Variants in COL7A1 observed in about 807,000 individuals in gnomAD.
COL7A1 encodes collagen alpha-1(VII) chain.
Under a neutral mutation model 456.2 loss-of-function variants are expected in COL7A1, and 296 were observed. The ratio of observed to expected loss-of-function variants is 0.65; its 90% CI spans 0.59 to 0.71. COL7A1 has a LOEUF of 0.71. Among genes scored for constraint, COL7A1 ranks in the 30% least tolerant of loss-of-function variants. The probability of loss-of-function intolerance (pLI) is 0.00; values close to 1 mark genes in which losing one functional copy is unlikely to be tolerated. For synonymous variants in COL7A1, 1,464 were observed against 1,525.9 expected, an observed-to-expected ratio of 0.96 and a Z score of 0.95; for missense variants, 3,441 against 4,017.2, an observed-to-expected ratio of 0.86 and a Z score of 3.88.
chr3:48,594,682 T>C lies in COL7A1; in HGVS notation c.86-134A>G. ...TATGCAAACCAGGGCCGAATCGGCCTGAGCCTGAGGGCCTTGGAGGGAGTT... is the reference window on the plus strand; with the variant it reads ...TATGCAAACCAGGGCCGAATCGGCCCGAGCCTGAGGGCCTTGGAGGGAGTT... On this transcript the variant is annotated intron_variant, in intron 2 of 118. Transcript: ENST00000681320. The surrounding 1 kb of genome is among the most constrained non-coding windows in gnomAD (Gnocchi z 5.5). 2 of 1,122,324 alleles carry C rather than the reference T, an allele frequency of 1.8e-6. No individual in the cohort carries two copies. Among genetic ancestry groups the C allele is most frequent in the Non-Finnish European group, 2.5e-6 (2 of 789,976 alleles). The allele number at this position is 1,122,324 out of a possible 1,614,324, so 69.5% of individuals were successfully genotyped here.
chr3:48,579,812 T>A lies in COL7A1; in HGVS notation c.5127A>T (p.Val1709=), dbSNP rs1560229339. ...PGPPGPPGRL[V]DTGPGAREKG... is the part of the protein sequence containing the mutation. ...TCTCTCTGGCTCCAGGTCCTGTGTC[T>A]ACCTGTGGGGGGAATGACCAGTGAG... The change falls in exon 58 of 119, where the codon GTA becomes GTT. Residue 1709 remains valine (V), a splice_region_variant and synonymous_variant. Coordinates refer to ENST00000681320, the MANE Select transcript of COL7A1 (RefSeq NM_000094.4). The surrounding 1 kb of genome is among the most constrained non-coding windows in gnomAD (Gnocchi z 4.4). 4.3e-6 allele frequency: 7 copies of A among 1,613,956 alleles called. No homozygotes were observed. The highest frequency in any genetic ancestry group is 5.9e-6 in the Non-Finnish European group (7 of 1,179,976).
At chr3:48,584,666 G>A in intron 35 of COL7A1, 68 bp downstream of exon 35, 1 of 1,613,192 alleles carries the variant, frequency 6.2e-7, no homozygotes, top group South Asian at 1.1e-5. Context: ...CCCTGCACAG[G>A]GTCTGGTGTG....
rs774177376 is a variant in COL7A1 at position 48,592,400 on chromosome 3, C to T, written c.1044G>A (p.Arg348=). ...GGTAGCCAGTGGCACCTGGCACACT[C>T]CGCCAGGCCACCAGGAGGCTGTGGG... ...TTAHSLLVAW[R]SVPGATGYRV... Residue 348 remains arginine (R), a synonymous_variant, in exon 9 of 119, where the codon CGG becomes CGA. Coordinates refer to ENST00000681320, the MANE Select transcript of COL7A1 (RefSeq NM_000094.4). This position sits in a 1 kb window ranked among gnomAD's most constrained non-coding sequence, Gnocchi z 7.6. 1 of 1,613,810 alleles carries T rather than the reference C, an allele frequency of 6.2e-7. No individual in the cohort carries two copies. Among genetic ancestry groups the T allele is most frequent in the Non-Finnish European group, 8.5e-7 (1 of 1,180,038 alleles).
chr3:48,585,590 C>G lies in COL7A1; in HGVS notation c.3861G>C (p.Gly1287=), dbSNP rs762497670. The G allele has an allele frequency of 3.5e-5, 57 of 1,613,816 alleles. No individual in the cohort carries two copies. The highest frequency in any genetic ancestry group is 4.5e-5 in the Non-Finnish European group (53 of 1,180,010). Residue 1287 remains glycine, a synonymous_variant, in exon 32 of 119, where the codon GGG becomes GGC. Coordinates refer to ENST00000681320, the MANE Select transcript of COL7A1 (RefSeq NM_000094.4). This position sits in a 1 kb window ranked among gnomAD's most constrained non-coding sequence, Gnocchi z 4.5. The part of the protein sequence containing the change: ...PGRTGAPGPQ[G]PPGSATAKGE... The stretch of plus-strand genomic sequence containing the variant: ...CCTTGGCAGTGGCACTTCCAGGGGG[C>G]CCCTGGGGGCCGGGAGCACCGGTCC...
chr3:48,588,046 C>T lies in COL7A1; in HGVS notation c.2711-107G>A, dbSNP rs550824442. 1 of 1,404,864 alleles carries T rather than the reference C, an allele frequency of 7.1e-7. No homozygotes were observed. The highest frequency in any genetic ancestry group is 1.4e-5 in the African/African-American group (1 of 70,392). 87.0% of individuals were successfully genotyped at this position (1,404,864 alleles called of 1,614,324 possible). On this transcript the variant is annotated intron_variant, in intron 21 of 118. Transcript: ENST00000681320. The surrounding 1 kb of genome is among the most constrained non-coding windows in gnomAD (Gnocchi z 4.6). ...GGCTCTGTTAACTGGGTTCACCCTC[C>T]TGACTGATCTTCCTCATCCTCACTG...
In COL7A1 at chr3:48,583,490, T is replaced by C. The variant is rs1016552888; in HGVS notation, c.4402-62A>G. 3.1e-6 allele frequency: 5 copies of C among 1,613,700 alleles called. No homozygotes were observed. The African/African-American group carries it at 5.3e-5, about 17-fold the overall frequency. On this transcript the variant is annotated intron_variant, in intron 41 of 118. Transcript: ENST00000681320. The surrounding 1 kb of genome is among the most constrained non-coding windows in gnomAD (Gnocchi z 5.1). ...TTTGGGCATGAGGATGGAGCAGTGG[T>C]TGATGATTGAGGTAGGGGCTGGAGC...
Position 48,589,413 on chromosome 3 carries a change from A to G in COL7A1, c.2228T>C (p.Leu743Pro). 1 of 1,613,702 alleles carries G rather than the reference A, an allele frequency of 6.2e-7. No individual in the cohort carries two copies. Among genetic ancestry groups the G allele is most frequent in the Non-Finnish European group, 8.5e-7 (1 of 1,180,004 alleles). The change falls in exon 18 of 119, where the codon CTG (leucine) becomes CCG (proline). Residue 743 changes from leucine to proline, a missense_variant. By Grantham distance (98) the Leu-to-Pro change is moderately conservative. This residue lies in a region of COL7A1 where 913 missense variants were observed against 1,088.2 expected (regional missense o/e 0.84). Transcript: ENST00000681320. ...CACCGTATACTCAGTATCTGGCTCC[A>G]GTCCATCCAGCTCAGCCACCGTGGC... is the stretch of plus-strand genomic sequence containing the variant. Reference protein sequence around the residue: ...GEATVAELDGLEPDTEYTVHV... With the variant: ...GEATVAELDGPEPDTEYTVHV...
Position 48,590,543 on chromosome 3 carries a change from C to CCA in COL7A1, c.1820_1821dup (p.Val608TrpfsTer8). 1 of 1,614,162 alleles carries CCA rather than the reference C, an allele frequency of 6.2e-7. No individual in the cohort carries two copies. Among genetic ancestry groups the CCA allele is most frequent in the Non-Finnish European group, 8.5e-7 (1 of 1,180,042 alleles). ...ACCCTCACTCGCGTTGCATCTGACA[C>CCA]CACAACCCGCAGCCCTGGAACAGCA... On this transcript the variant is annotated frameshift_variant, in exon 15 of 119. Transcript: ENST00000681320. LOFTEE classifies it high-confidence loss of function. This position sits in a 1 kb window ranked among gnomAD's most constrained non-coding sequence, Gnocchi z 4.6.
chr3:48,571,562 C>T lies in COL7A1; in HGVS notation c.7069-284G>A, dbSNP rs116675368. 975 of 684,266 alleles carry T rather than the reference C, an allele frequency of 1.4e-3. 6 individuals carry two copies. The African/African-American group carries it at 0.016, about 11-fold the overall frequency. 42.4% of individuals were successfully genotyped at this position (684,266 alleles called of 1,614,324 possible). A position where few individuals can be genotyped will look rare whatever the true frequency, so the allele number is the denominator to read the frequency against. ...GAGTGCAGACATCTGGCTCCACAGA[C>T]GTGAGTGCGGACACACGGGCGCTCA... is the stretch of plus-strand genomic sequence containing the variant. On this transcript the variant is annotated intron_variant, in intron 92 of 118. Coordinates refer to ENST00000681320, the MANE Select transcript of COL7A1 (RefSeq NM_000094.4). The surrounding 1 kb of genome is among the most constrained non-coding windows in gnomAD (Gnocchi z 4.6).
In COL7A1 at chr3:48,568,793, C is replaced by A; in HGVS notation, c.7749G>T (p.Leu2583=). Reference sequence around the variant, plus strand: ...CTGGGGCAGAACTTGCCTGGGGTCCCAGGAGTCCACGCAGTCCTGGCAACC... The same window carrying A: ...CTGGGGCAGAACTTGCCTGGGGTCCAAGGAGTCCACGCAGTCCTGGCAACC... ...SAGLPGLRGL[L]GPQGQPGAAG... is the part of the protein sequence containing the mutation. The change falls in exon 104 of 119, where the codon CTG becomes CTT. Residue 2583 remains leucine (L), a synonymous_variant. Coordinates refer to ENST00000681320, the MANE Select transcript of COL7A1 (RefSeq NM_000094.4). This position sits in a 1 kb window ranked among gnomAD's most constrained non-coding sequence, Gnocchi z 5.2. 6.4e-7 allele frequency: 1 copy of A among 1,569,448 alleles called. No homozygotes were observed. Among genetic ancestry groups the A allele is most frequent in the East Asian group, 2.3e-5 (1 of 42,728 alleles).
chr3:48,571,915 CAT>C lies in COL7A1; in HGVS notation c.7068+84_7068+85del. On this transcript the variant is annotated intron_variant, in intron 92 of 118. Coordinates refer to ENST00000681320, the MANE Select transcript of COL7A1 (RefSeq NM_000094.4). The surrounding 1 kb of genome is among the most constrained non-coding windows in gnomAD (Gnocchi z 4.6). ...ATGCAGCCCGACTCAGGGGCTCAGA[CAT>C]GTGCCCCGGCCCAAGAGTGGCCCCT... The C allele has an allele frequency of 6.7e-7, 1 of 1,502,896 alleles. No individual in the cohort carries two copies. Among genetic ancestry groups the C allele is most frequent in the Non-Finnish European group, 9.1e-7 (1 of 1,096,042 alleles). The allele number at this position is 1,502,896 out of a possible 1,614,324, so 93.1% of individuals were successfully genotyped here.
chr3:48,569,664 G>A lies in COL7A1; in HGVS notation c.7558-16C>T, dbSNP rs746104591. 11 of 1,613,998 alleles carry A rather than the reference G, an allele frequency of 6.8e-6. No individual in the cohort carries two copies. In the South Asian group the frequency reaches 1.2e-4, roughly 18 times the overall value. ...CTGAGTCTCCCTGAGGGGGCAGGCA[G>A]GAATCAGAGGAGTCGGGAGCACCCT... On this transcript the variant is annotated splice_polypyrimidine_tract_variant and intron_variant, in intron 101 of 118. Coordinates refer to ENST00000681320, the MANE Select transcript of COL7A1 (RefSeq NM_000094.4). The surrounding 1 kb of genome is among the most constrained non-coding windows in gnomAD (Gnocchi z 4.9).
At position 48,573,833 on chromosome 3, in the gene COL7A1, GTGAAGGTTCT is replaced by G; in HGVS notation, c.6537+12_6537+21del. The stretch of plus-strand genomic sequence containing the variant: ...AGGGCACAGGATGGGGGCAAGACAG[GTGAAGGTTCT>G]TGGGTACTCACCACTGGGCCAGGGG... On this transcript the variant is annotated intron_variant, in intron 81 of 118. Transcript: ENST00000681320. This position sits in a 1 kb window ranked among gnomAD's most constrained non-coding sequence, Gnocchi z 5.5. The G allele has an allele frequency of 1.2e-6, 2 of 1,614,062 alleles. No individual in the cohort carries two copies. Among genetic ancestry groups the G allele is most frequent in the African/African-American group, 2.7e-5 (2 of 75,026 alleles).
chr3:48,572,965 G>C lies in COL7A1; in HGVS notation c.6751-23C>G. On this transcript the variant is annotated intron_variant, in intron 86 of 118. Transcript: ENST00000681320. This position sits in a 1 kb window ranked among gnomAD's most constrained non-coding sequence, Gnocchi z 4.6. ...CCCCTGAGAGGGAAGAGCTCTGTCA[G>C]GGCTGCCTGTCGACCCTTGACCCCT... is the stretch of plus-strand genomic sequence containing the variant. 1 of 1,614,034 alleles carries C rather than the reference G, an allele frequency of 6.2e-7. No individual in the cohort carries two copies. Among genetic ancestry groups the C allele is most frequent in the Admixed American group, 1.7e-5 (1 of 60,028 alleles).
At position 48,593,693 on chromosome 3, in the gene COL7A1, T is replaced by C. The variant is rs776397296; in HGVS notation, c.270A>G (p.Thr90=). 2 of 1,614,212 alleles carry C rather than the reference T, an allele frequency of 1.2e-6. No individual in the cohort carries two copies. The highest frequency in any genetic ancestry group is 1.7e-6 in the Non-Finnish European group (2 of 1,180,016). Residue 90 remains threonine, a synonymous_variant, in exon 4 of 119, where the codon ACA becomes ACG. Transcript: ENST00000681320. This position sits in a 1 kb window ranked among gnomAD's most constrained non-coding sequence, Gnocchi z 4.4. The stretch of plus-strand genomic sequence containing the variant: ...AGCCAAGTGCATCCAGGCCGAACTC[T>C]GTCCTGTTGGAGGGTAGGGGTGGCA... ...ATVQYSDDPR[T]EFGLDALGSG...
At position 48,590,895 on chromosome 3, in the gene COL7A1, C is replaced by G; in HGVS notation, c.1637-79G>C. 1 of 1,444,908 alleles carries G rather than the reference C, an allele frequency of 6.9e-7. No homozygotes were observed. The highest frequency in any genetic ancestry group is 9.5e-7 in the Non-Finnish European group (1 of 1,049,568). 89.5% of individuals were successfully genotyped at this position (1,444,908 alleles called of 1,614,324 possible). On this transcript the variant is annotated intron_variant, in intron 13 of 118. Transcript: ENST00000681320. The surrounding 1 kb of genome is among the most constrained non-coding windows in gnomAD (Gnocchi z 4.6). ...GGACGATGGCAGTGATGGACAGGGA[C>G]GCAGAGTGAGAAGGGCCATGGGGGT...
chr3:48,580,646 G>T lies in COL7A1; in HGVS notation c.4987C>A (p.Pro1663Thr), dbSNP rs149342284. 379 of 1,613,642 alleles carry T rather than the reference G, an allele frequency of 2.3e-4. 1 individual carries two copies. Among genetic ancestry groups the T allele is most frequent in the South Asian group, 3.2e-4 (29 of 91,076 alleles). ...TCACCCACAGGCCCCCGAACTCCAG[G>T]TGCCCCCTAAGAAGAGCAGCTGGCC... ...KAGERGLRGAPGVRGPVGEKG... is the reference protein window; with the variant it reads ...KAGERGLRGATGVRGPVGEKG... The change falls in exon 55 of 119, where the codon CCT (proline) becomes ACT (threonine). Residue 1663 changes from proline to threonine, a missense_variant. Transcript: ENST00000681320. This position sits in a 1 kb window ranked among gnomAD's most constrained non-coding sequence, Gnocchi z 4.5.
Position 48,592,968 on chromosome 3 carries a change from G to A in COL7A1, c.683-30C>T. On this transcript the variant is annotated intron_variant, in intron 6 of 118. Transcript: ENST00000681320. The surrounding 1 kb of genome is among the most constrained non-coding windows in gnomAD (Gnocchi z 7.6). ...GAATGCGGGATCAGGGGATCAGGCA[G>A]GAGGATTGGGGTGGGCATGTATGAT... The A allele has an allele frequency of 2.5e-6, 4 of 1,613,190 alleles. No homozygotes were observed. The highest frequency in any genetic ancestry group is 3.4e-6 in the Non-Finnish European group (4 of 1,179,880).
chr3:48,575,485 C>T lies in COL7A1; in HGVS notation c.6034G>A (p.Gly2012Ser), dbSNP rs2044234082. The T allele has an allele frequency of 6.2e-7, 1 of 1,612,318 alleles. No individual in the cohort carries two copies. Among genetic ancestry groups the T allele is most frequent in the Non-Finnish European group, 8.5e-7 (1 of 1,179,696 alleles). Residue 2012 changes from glycine (G) to serine (S), a missense_variant, in exon 74 of 119, where the codon GGC (glycine) becomes AGC (serine). By Grantham distance (56) the Gly-to-Ser change is moderately conservative. Around this residue, in one of 3 missense-constraint regions of COL7A1, gnomAD observed 2,084 missense variants for 2,501.3 expected, o/e 0.83. Coordinates refer to ENST00000681320, the MANE Select transcript of COL7A1 (RefSeq NM_000094.4). This position sits in a 1 kb window ranked among gnomAD's most constrained non-coding sequence, Gnocchi z 6.3. ...GCCAGACCAGGTGGCCCCTGAGGGCCAGGGTCTCCACGGTCGCCCTTCAGC... is the reference window on the plus strand; with the variant it reads ...GCCAGACCAGGTGGCCCCTGAGGGCTAGGGTCTCCACGGTCGCCCTTCAGC... ...RGLKGDRGDP[G>S]PQGPPGLALG...
Sources: gnomAD v4.1 joint callset for allele counts on GRCh38, gnomAD v4.1.1 for gene constraint, gnomAD v4.1.1 regional missense constraint, Gnocchi (gnomAD v3.1) non-coding constraint, MANE v1.5 for transcripts, NCBI Gene and HGNC (gene_info 2026-07-23, HGNC 2026-07-21) for gene names.